NCAM1: variants seen among roughly 807,000 people sequenced by gnomAD.
NCAM1 encodes antigen recognized by monoclonal antibody 5.1H11.
NCAM1 carries 14 observed loss-of-function variants against 109.8 expected under a neutral mutation model. The ratio of observed to expected loss-of-function variants is 0.13; its 90% CI spans 0.08 to 0.20. The LOEUF is 0.20. Ranked by LOEUF, NCAM1 falls within the 10% of genes least tolerant of loss-of-function variation. The probability of loss-of-function intolerance (pLI) is 1.00; values close to 1 mark genes in which losing one functional copy is unlikely to be tolerated. For missense variants in NCAM1, 774 were observed against 1,109.9 expected (o/e 0.70, Z 4.30); for synonymous variants, 418 against 442.9 (o/e 0.94, Z 0.70).
intron 1 of NCAM1, among the ~76,000 whole-genome samples, chr11:113,124,608 A>G (rs1428471225): frequency 1.3e-5 from 2 of 152,180 alleles, no homozygotes; most frequent in African/African-American, 2.4e-5. Flanking sequence ...ACTGAGGTGT[A>G]TTTCATTCTT....
chr11:113,271,230 C>T (rs1370713286), intron 18 of NCAM1, among the ~76,000 whole-genome samples: 8 of 151,820 alleles, frequency 5.3e-5, no homozygotes, highest in Admixed American at 2.6e-4. Context: ...ATTAGCCAGG[C>T]GTGGTGGCAT....
intron 1 of NCAM1, among the ~76,000 whole-genome samples, chr11:113,075,050 G>A (rs879958419): frequency 1.3e-5 from 2 of 151,942 alleles, no homozygotes; most frequent in South Asian, 2.1e-4. Flanking sequence ...TTTCTGCCCC[G>A]CTCTGTGTTG....
intron 1 of NCAM1, among the ~76,000 whole-genome samples, chr11:112,971,022 G>C (rs772126700): frequency 4.6e-5 from 7 of 152,086 alleles, no homozygotes; most frequent in Non-Finnish European, 1.0e-4. Flanking sequence ...TTTAGAAAAA[G>C]TTTGGGCCTC....
At chr11:113,033,706 T>G (rs1555078654) in intron 1 of NCAM1, among the ~76,000 whole-genome samples, 1 of 152,220 alleles carries the variant, frequency 6.6e-6, no homozygotes, top group Non-Finnish European at 1.5e-5. Flanking sequence ...TAAAAAGCAC[T>G]TTCATTCTCC....
chr11:113,122,676 C>T (rs572185985), intron 1 of NCAM1, among the ~76,000 whole-genome samples: 8 of 152,102 alleles, frequency 5.3e-5, no homozygotes, highest in Admixed American at 2.0e-4. Flanking sequence ...CCCAGCTATT[C>T]GGGAGGCTGA....
chr11:113,053,730 A>G (rs1237051515), intron 1 of NCAM1, among the ~76,000 whole-genome samples: 1 of 152,196 alleles, frequency 6.6e-6, no homozygotes, highest in Non-Finnish European at 1.5e-5. Context: ...CCTGCTTATA[A>G]CTTAAGTGAG....
At chr11:113,132,604 ATGTGTGTGTGTGTGTGTG>A (rs71060290) in intron 1 of NCAM1, among the ~76,000 whole-genome samples, 39,725 of 130,418 alleles carry the variant, frequency 0.3, 5,957 homozygotes, top group Middle Eastern at 0.48. Context: ...ATTAGGAAGC[ATGTGTGTGTGTGTGTGTG>A]TGTGTGTGTG....
chr11:113,089,080 C>T (rs895993034), intron 1 of NCAM1, among the ~76,000 whole-genome samples: 6 of 152,068 alleles, frequency 3.9e-5, no homozygotes, highest in South Asian at 2.1e-4. Context: ...TTTAGGAGGC[C>T]GAGGTGGGCA....
intron 7 of NCAM1, among the ~76,000 whole-genome samples, chr11:113,212,446 C>A (rs1304921216): frequency 6.6e-6 from 1 of 152,176 alleles, no homozygotes; most frequent in Non-Finnish European, 1.5e-5. Context: ...TAATAGATGG[C>A]AACTGACCCT....
intron 1 of NCAM1, among the ~76,000 whole-genome samples, chr11:113,004,823 A>ATT (rs35826341): frequency 0.3 from 44,554 of 147,618 alleles, 7,603 homozygotes; most frequent in East Asian, 0.66. Flanking sequence ...TGATTCTTTG[A>ATT]TTTTTTTTTT....
chr11:113,008,162 G>T (rs1951936343), intron 1 of NCAM1, among the ~76,000 whole-genome samples: 1 of 152,130 alleles, frequency 6.6e-6, no homozygotes, highest in African/African-American at 2.4e-5. Context: ...TCTTATTCCA[G>T]TATGGCCTCA....
chr11:113,221,310 A>G lies in NCAM1; in HGVS notation c.1074A>G (p.Arg358=). Residue 358 remains arginine (R), a synonymous_variant, in exon 9 of 20, where the codon CGA becomes CGG. Coordinates refer to ENST00000316851, the MANE Select transcript of NCAM1 (RefSeq NM_181351.5). Reference sequence around the variant, plus strand: ...GTTTTCTCCAGGCTTCGTGGACTCGACCAGAGAAGCAAGAGGTATAGCTTA... The same window carrying G: ...GTTTTCTCCAGGCTTCGTGGACTCGGCCAGAGAAGCAAGAGGTATAGCTTA... ...ISSEEKASWT[R]PEKQETLDGH... 2 of 1,566,868 alleles carry G rather than the reference A, an allele frequency of 1.3e-6. No individual in the cohort carries two copies. The highest frequency in any genetic ancestry group is 1.7e-6 in the Non-Finnish European group (2 of 1,153,670).
intron 1 of NCAM1, among the ~76,000 whole-genome samples, chr11:113,142,893 C>T (rs1555100739): frequency 6.6e-6 from 1 of 152,122 alleles, no homozygotes; most frequent in African/African-American, 2.4e-5. Flanking sequence ...AAAAATAGTA[C>T]AGTGGATACC....
chr11:113,273,201 C>G lies in NCAM1; in HGVS notation c.2456+1325C>G, dbSNP rs1369382745. 2.6e-6 allele frequency: 1 copy of G among 383,296 alleles called. No homozygotes were observed. Among genetic ancestry groups the G allele is most frequent in the Non-Finnish European group, 5.2e-6 (1 of 191,714 alleles). 23.7% of individuals were successfully genotyped at this position (383,296 alleles called of 1,614,324 possible). On this transcript the variant is annotated intron_variant, in intron 19 of 19. Coordinates refer to ENST00000316851, the MANE Select transcript of NCAM1 (RefSeq NM_181351.5). The surrounding 1 kb of genome is among the most constrained non-coding windows in gnomAD (Gnocchi z 6.0). ...AGCTTCAGCCCCCAAGGTCGCCCCCCTCGTTGACCTGAGCGACACCCCGAC... is the reference window on the plus strand; with the variant it reads ...AGCTTCAGCCCCCAAGGTCGCCCCCGTCGTTGACCTGAGCGACACCCCGAC...
chr11:113,020,445 G>T (rs7121663), intron 1 of NCAM1, among the ~76,000 whole-genome samples: 2 of 152,082 alleles, frequency 1.3e-5, no homozygotes, highest in African/African-American at 4.8e-5. Flanking sequence ...TCTCTTAACC[G>T]TAGGTCTTGG....
At chr11:113,000,856 A>AG (rs1555072333) in intron 1 of NCAM1, among the ~76,000 whole-genome samples, 2 of 44,620 alleles carry the variant, frequency 4.5e-5, no homozygotes, top group African/African-American at 1.5e-4. Context: ...ATACACAAAA[A>AG]ATATATATAT....
intron 1 of NCAM1, among the ~76,000 whole-genome samples, chr11:113,143,901 G>A (rs1941922052): frequency 6.6e-6 from 1 of 152,188 alleles, no homozygotes; most frequent in South Asian, 2.1e-4. Context: ...ATCCAGGAAA[G>A]AGCTGTCACA....
At chr11:113,205,695 T>C (rs1944215651) in intron 4 of NCAM1, 29 bp downstream of exon 4, 1 of 1,602,732 alleles carries the variant, frequency 6.2e-7, no homozygotes, top group Non-Finnish European at 8.5e-7. Flanking sequence ...GGCATCTGCC[T>C]TTTCCCCAGG....
At chr11:113,117,788 C>A (rs554564142) in intron 1 of NCAM1, among the ~76,000 whole-genome samples, 1 of 151,962 alleles carries the variant, frequency 6.6e-6, no homozygotes, top group Non-Finnish European at 1.5e-5. Context: ...AGACACTGAC[C>A]TATGAAAGTC....
Sources: allele counts gnomAD v4.1 joint callset (sites outside exome capture counted in the v4.1 genomes callset), GRCh38; gene constraint gnomAD v4.1.1; non-coding constraint Gnocchi (gnomAD v3.1); transcripts MANE v1.5; gene names NCBI Gene and HGNC (gene_info 2026-07-23, HGNC 2026-07-21).